Variants in BLOC1S2 observed in about 807,000 individuals in gnomAD.
The protein encoded by BLOC1S2 is biogenesis of lysosomal organelles complex 1 subunit 2, also known as biogenesis of lysosome-related organelles complex 1 subunit 2.
BLOC1S2 carries 12 observed loss-of-function variants against 19.6 expected under a neutral mutation model. The observed-to-expected ratio is 0.61, with a 90% CI of 0.39 to 0.99. The LOEUF (loss-of-function observed/expected upper bound fraction) is 0.99. Ranked by LOEUF, BLOC1S2 falls within the 50% of genes least tolerant of loss-of-function variation. The probability of loss-of-function intolerance (pLI) is 0.00; values close to 1 mark genes in which losing one functional copy is unlikely to be tolerated. For synonymous variants in BLOC1S2, 66 were observed against 64.1 expected (o/e 1.03, Z -0.14); for missense variants, 142 against 171.0 (o/e 0.83, Z 0.95).
chr10:100,281,705 TACAC>T (rs1554910982), intron 2 of BLOC1S2, among the ~76,000 whole-genome samples: 12 of 69,820 alleles, frequency 1.7e-4, no homozygotes, highest in African/African-American at 4.1e-4. Flanking sequence ...TATATATATA[TACAC>T]ATACACACAC....
At chr10:100,286,561 C>A (rs1391199558) in intron 1 of BLOC1S2, 44 bp downstream of exon 1, 2 of 1,609,754 alleles carry the variant, frequency 1.2e-6, no homozygotes, top group Admixed American at 3.4e-5. Flanking sequence ...AGACGGAGCC[C>A]CAGGCCCCCC....
chr10:100,277,888 G>A (rs1589648042), intron 4 of BLOC1S2, among the ~76,000 whole-genome samples: 1 of 100,172 alleles, frequency 1.0e-5, no homozygotes, highest in Non-Finnish European at 2.1e-5. Flanking sequence ...AGGTGGGGGG[G>A]TCAGCCCCCC....
rs1847981491 is a variant in BLOC1S2 at position 100,278,102 on chromosome 10, G to A, written c.397+2022C>T. Among the ~76,000 whole-genome samples, 2 of 109,126 alleles carry A rather than the reference G, an allele frequency of 1.8e-5. 1 individual carries two copies. The highest frequency in any genetic ancestry group is 5.1e-4 in the South Asian group (2 of 3,948). The allele number at this position is 109,126 out of a possible 152,430, so 71.6% of individuals were successfully genotyped here. The stretch of plus-strand genomic sequence containing the variant: ...CGGGCCAGCCGCTCCGTCCGGGAGG[G>A]AGGTGGGGGGGCGGTCAGCGCCCCC... On this transcript the variant is annotated intron_variant, in intron 4 of 4. Coordinates refer to ENST00000370372, the MANE Select transcript of BLOC1S2 (RefSeq NM_173809.5).
rs1847795758 is a variant in BLOC1S2 at position 100,274,198 on chromosome 10, C to G, written c.*1264G>C. The G allele has an allele frequency of 6.6e-6, 1 of 152,106 alleles. No individual in the cohort carries two copies. Among genetic ancestry groups the G allele is most frequent in the Non-Finnish European group, 1.5e-5 (1 of 68,050 alleles). The allele number at this position is 152,106 out of a possible 1,614,324, so 9.4% of individuals were successfully genotyped here. On this transcript the variant is annotated 3_prime_UTR_variant, in exon 5 of 5. Transcript: ENST00000370372. ...GTTGAGCCTAGGAGGTCAAGGTGAG[C>G]TATTATCACACCACCACACTCCAGC...
intron 2 of BLOC1S2, 27 bp from the exon 3 acceptor site, chr10:100,281,080 G>A (rs1848090904): frequency 1.2e-6 from 2 of 1,609,796 alleles, no homozygotes; most frequent in South Asian, 2.2e-5. Context: ...AAGATGTAAT[G>A]TCTTTAAGAT....
intron 3 of BLOC1S2, 136 bp downstream of exon 3, chr10:100,280,798 T>C (rs1156231893): frequency 2.5e-6 from 3 of 1,222,038 alleles, no homozygotes; most frequent in African/African-American, 3.1e-5. Flanking sequence ...AAGAAATTCA[T>C]CTTAAATTTG....
chr10:100,286,032 C>A, intron 2 of BLOC1S2, 65 bp downstream of exon 2: 1 of 1,585,922 alleles, frequency 6.3e-7, no homozygotes, highest in Admixed American at 1.7e-5. Flanking sequence ...CAGACTGATG[C>A]TGCTAACCAT....
chr10:100,280,095 T>C (rs1423046795), intron 4 of BLOC1S2, 29 bp downstream of exon 4: 3 of 1,552,772 alleles, frequency 1.9e-6, no homozygotes, highest in Admixed American at 3.4e-5. Flanking sequence ...CAGTCTTTAT[T>C]ACATCAAAAC....
chr10:100,277,523 G>A (rs1322579865), intron 4 of BLOC1S2, among the ~76,000 whole-genome samples: 4 of 105,466 alleles, frequency 3.8e-5, no homozygotes, highest in Non-Finnish European at 8.0e-5. Flanking sequence ...TCAGCCCCCC[G>A]CCTGGCCAGC....
chr10:100,275,186 T>C lies in BLOC1S2; in HGVS notation c.*276A>G, dbSNP rs1847820740. On this transcript the variant is annotated 3_prime_UTR_variant, in exon 5 of 5. Coordinates refer to ENST00000370372, the MANE Select transcript of BLOC1S2 (RefSeq NM_173809.5). The stretch of plus-strand genomic sequence containing the variant: ...GATTTTACTGGTAAGTCCAGCTGTT[T>C]TCTGAACTTTGTGAGAGTCTCTGTC... 1.2e-5 allele frequency: 5 copies of C among 417,600 alleles called. No individual in the cohort carries two copies. The highest frequency in any genetic ancestry group is 2.1e-5 in the Non-Finnish European group (5 of 236,102). The allele number at this position is 417,600 out of a possible 1,614,324, so 25.9% of individuals were successfully genotyped here.
intron 2 of BLOC1S2, chr10:100,282,965 G>A (rs1848145789): frequency 5.0e-6 from 2 of 398,400 alleles, no homozygotes; most frequent in African/African-American, 2.1e-5. Flanking sequence ...ACACCACTAC[G>A]AAAGTGACTC....
intron 4 of BLOC1S2, among the ~76,000 whole-genome samples, chr10:100,279,247 G>A (rs1215309545): frequency 6.6e-6 from 1 of 152,174 alleles, no homozygotes; most frequent in African/African-American, 2.4e-5. Context: ...ATCCTCAACT[G>A]ACTATTCATT....
At chr10:100,284,288 C>T (rs1848181689) in intron 2 of BLOC1S2, among the ~76,000 whole-genome samples, 1 of 152,212 alleles carries the variant, frequency 6.6e-6, no homozygotes, top group South Asian at 2.1e-4. Flanking sequence ...AGCGCCAAAT[C>T]TTTGGAATTG....
intron 4 of BLOC1S2, among the ~76,000 whole-genome samples, chr10:100,278,774 A>T (rs1848018251): frequency 1.3e-5 from 2 of 150,904 alleles, no homozygotes; most frequent in African/African-American, 2.4e-5. Context: ...ACCCTGCCAA[A>T]TCCCCCTCTG....
chr10:100,279,813 G>A (rs574714987), intron 4 of BLOC1S2, among the ~76,000 whole-genome samples: 1 of 152,140 alleles, frequency 6.6e-6, no homozygotes, highest in South Asian at 2.1e-4. Flanking sequence ...CCCAGGAGGC[G>A]GAGGTTGCGG....
At chr10:100,278,260 C>T (rs1191153059) in intron 4 of BLOC1S2, among the ~76,000 whole-genome samples, 4 of 151,570 alleles carry the variant, frequency 2.6e-5, no homozygotes, top group Admixed American at 1.3e-4. Context: ...AGCTGAGGGG[C>T]GCCTCTGCCC....
At chr10:100,286,310 A>G (rs1272929721) in intron 1 of BLOC1S2, 97 bp from the exon 2 acceptor site, 1 of 1,512,394 alleles carries the variant, frequency 6.6e-7, no homozygotes, top group African/African-American at 1.4e-5. Context: ...CCTTCATTCC[A>G]TCAAGTCGGC....
rs1437000150 is a variant in BLOC1S2, at chr10:100,274,316, A to G, written c.*1146T>C. The G allele has an allele frequency of 2.6e-5, 4 of 152,274 alleles. No individual in the cohort carries two copies. Among genetic ancestry groups the G allele is most frequent in the African/African-American group, 9.7e-5 (4 of 41,430 alleles). The allele number at this position is 152,274 out of a possible 1,614,324, so 9.4% of individuals were successfully genotyped here. A position where few individuals can be genotyped will look rare whatever the true frequency, so the allele number is the denominator to read the frequency against. ...AAGTCTAGATTTTTCAGAGGCCATG[A>G]TAAGTCACTACAGGGTTCTAAGCAG... On this transcript the variant is annotated 3_prime_UTR_variant, in exon 5 of 5. Transcript: ENST00000370372.
chr10:100,286,016 G>A, intron 2 of BLOC1S2, 81 bp downstream of exon 2: 1 of 1,555,652 alleles, frequency 6.4e-7, no homozygotes, highest in South Asian at 1.2e-5. Flanking sequence ...GGTAGGAAGG[G>A]AGCTGCAGAC....
Sources: gnomAD v4.1 joint callset for allele counts (sites outside exome capture counted in the v4.1 genomes callset) on GRCh38, gnomAD v4.1.1 for gene constraint, MANE v1.5 for transcripts, NCBI Gene and HGNC (gene_info 2026-07-23, HGNC 2026-07-21) for gene names.